Variants in DAB1 observed in about 807,000 individuals in gnomAD.
DAB1 encodes disabled homolog 1.
Under a neutral mutation model 64.6 loss-of-function variants are expected in DAB1, and 15 were observed. The ratio of observed to expected loss-of-function variants is 0.23; its 90% CI spans 0.16 to 0.36. The LOEUF (loss-of-function observed/expected upper bound fraction) is 0.36. DAB1 is among the 10% of genes least tolerant of loss of function. The pLI is 1.00. For synonymous variants in DAB1, 235 were observed against 251.9 expected (o/e 0.93, Z 0.64); for missense variants, 596 against 706.7 (o/e 0.84, Z 1.78).
At chr1:57,965,617 C>G (rs770138718) in intron 5 of DAB1, among the ~76,000 whole-genome samples, 1 of 152,122 alleles carries the variant, frequency 6.6e-6, no homozygotes, top group Non-Finnish European at 1.5e-5. Flanking sequence ...ACTAGAAATA[C>G]TTGTAGAGGA....
chr1:57,076,592 C>T, intron 4 of DAB1, among the ~76,000 whole-genome samples: 1 of 152,166 alleles, frequency 6.6e-6, no homozygotes, highest in South Asian at 2.1e-4. Flanking sequence ...ATCTGAGGAG[C>T]TCATTACTCT....
At position 58,274,867 on chromosome 1, in the gene DAB1, C is replaced by T. The variant is rs562493553; in HGVS notation, n.309+68485G>A. 3.9e-3 allele frequency among the ~76,000 whole-genome samples: 592 copies of T among 151,872 alleles called. 4 individuals carry two copies. Among genetic ancestry groups the T allele is most frequent in the Middle Eastern group, 0.01 (3 of 294 alleles). On this transcript the variant is annotated intron_variant and non_coding_transcript_variant, in intron 4 of 20. Coordinates refer to the DAB1 transcript ENST00000485760. ...CAATGCCTCGCCCTGCTTCGGCTCG[C>T]GCACGGTGCGCGCACCCACTGGCCT...
At chr1:58,079,442 A>G (rs1208595800) in intron 5 of DAB1, among the ~76,000 whole-genome samples, 2 of 151,660 alleles carry the variant, frequency 1.3e-5, no homozygotes, top group Admixed American at 6.6e-5. Context: ...GTTCACTGTT[A>G]AATTCCCAGC....
At chr1:58,337,059 A>G (rs772046543) in intron 4 of DAB1, among the ~76,000 whole-genome samples, 40 of 152,138 alleles carry the variant, frequency 2.6e-4, no homozygotes, top group Non-Finnish European at 5.3e-4. Flanking sequence ...AAGGCAGCCA[A>G]CCACCTGAGG....
chr1:57,364,191 G>A (rs1346541293), intron 1 of DAB1, among the ~76,000 whole-genome samples: 1 of 152,166 alleles, frequency 6.6e-6, no homozygotes, highest in Non-Finnish European at 1.5e-5. Context: ...ATGGGACAGG[G>A]CCCAAGAGAA....
intron 9 of DAB1, among the ~76,000 whole-genome samples, chr1:57,039,064 G>C (rs558007567): frequency 5.9e-5 from 9 of 152,316 alleles, no homozygotes; most frequent in African/African-American, 1.9e-4. Context: ...CTTTTAAAGT[G>C]AGAAATGTGA....
intron 5 of DAB1, among the ~76,000 whole-genome samples, chr1:58,005,049 C>T (rs1646561006): frequency 6.7e-6 from 1 of 148,452 alleles, no homozygotes; most frequent in African/African-American, 2.5e-5. Flanking sequence ...AAAAATGAAA[C>T]TAGAGTGAGC....
chr1:58,103,861 T>C (rs946231285), intron 5 of DAB1, among the ~76,000 whole-genome samples: 2 of 152,134 alleles, frequency 1.3e-5, no homozygotes, highest in Non-Finnish European at 2.9e-5. Context: ...CTTGTCAAAT[T>C]GAGTCCTAGT....
At chr1:57,546,642 A>G (rs2101464837) in intron 7 of DAB1, among the ~76,000 whole-genome samples, 1 of 152,340 alleles carries the variant, frequency 6.6e-6, no homozygotes, top group African/African-American at 2.4e-5. Context: ...TGGGCCTATT[A>G]GGGAGAAGAC....
At chr1:57,817,796 A>T (rs1651937308) in intron 6 of DAB1, among the ~76,000 whole-genome samples, 1 of 152,156 alleles carries the variant, frequency 6.6e-6, no homozygotes, top group African/African-American at 2.4e-5. Context: ...AAGCCCAGAA[A>T]AATGTCACTC....
chr1:57,343,868 G>C (rs531120713), intron 1 of DAB1, among the ~76,000 whole-genome samples: 8 of 152,358 alleles, frequency 5.3e-5, no homozygotes, highest in African/African-American at 1.9e-4. Context: ...GTGCATCAGC[G>C]GGCTGAAGGG....
intron 2 of DAB1, among the ~76,000 whole-genome samples, chr1:57,268,447 T>C (rs964535185): frequency 1.3e-5 from 2 of 152,206 alleles, no homozygotes; most frequent in African/African-American, 4.8e-5. Context: ...TTGTGAATCC[T>C]CCTTTAAAAG....
intron 5 of DAB1, among the ~76,000 whole-genome samples, chr1:58,007,755 G>A (rs187618405): frequency 4.4e-4 from 67 of 152,252 alleles, no homozygotes; most frequent in African/African-American, 9.9e-4. Context: ...GGGTCTGGAC[G>A]CTGTTCACTC....
At chr1:57,588,294 G>C (rs919876098) in intron 7 of DAB1, among the ~76,000 whole-genome samples, 1 of 152,162 alleles carries the variant, frequency 6.6e-6, no homozygotes, top group African/African-American at 2.4e-5. Context: ...ACCACCAAAG[G>C]CATGGTGTTT....
At chr1:57,056,011 A>G (rs1649720098) in intron 9 of DAB1, among the ~76,000 whole-genome samples, 1 of 152,198 alleles carries the variant, frequency 6.6e-6, no homozygotes, top group Non-Finnish European at 1.5e-5. Flanking sequence ...TAGTCTTTAC[A>G]CAAAAACTCT....
intron 4 of DAB1, among the ~76,000 whole-genome samples, chr1:58,300,693 G>A (rs1374153492): frequency 6.7e-6 from 1 of 148,630 alleles, no homozygotes; most frequent in Non-Finnish European, 1.5e-5. Flanking sequence ...AGGAAGGAAG[G>A]AAGGAAGGAA....
intron 3 of DAB1, among the ~76,000 whole-genome samples, chr1:58,443,666 G>T (rs575503440): frequency 6.6e-6 from 1 of 152,246 alleles, no homozygotes; most frequent in Admixed American, 6.5e-5. Context: ...TACTATTTTT[G>T]CAATCTTTCT....
chr1:57,410,003 T>C (rs538228767), intron 1 of DAB1, among the ~76,000 whole-genome samples: 1 of 152,180 alleles, frequency 6.6e-6, no homozygotes, highest in Non-Finnish European at 1.5e-5. Context: ...TTCTATTAAC[T>C]GTGTAAAATC....
chr1:58,442,554 T>C (rs765993531), intron 3 of DAB1, among the ~76,000 whole-genome samples: 17 of 152,202 alleles, frequency 1.1e-4, no homozygotes, highest in Non-Finnish European at 4.4e-5. Context: ...CTCCCTTTGA[T>C]GTCAAATTCC....
Sources: gnomAD v4.1 joint callset for allele counts (sites outside exome capture counted in the v4.1 genomes callset) on GRCh38, gnomAD v4.1.1 for gene constraint, MANE v1.5 for transcripts, NCBI Gene and HGNC (gene_info 2026-07-23, HGNC 2026-07-21) for gene names.